DYM: variants seen among roughly 807,000 people sequenced by gnomAD.
DYM encodes the protein dymeclin, also known as dyggve-Melchior-Clausen syndrome protein.
DYM carries 78 observed loss-of-function variants against 93.1 expected under a neutral mutation model. The observed-to-expected ratio is 0.84, with a 90% confidence interval of 0.70 to 1.01. The LOEUF is 1.01. Among genes scored for constraint, DYM ranks in the 50% least tolerant of loss-of-function variants. DYM has a pLI of 0.00. For missense variants in DYM, 789 were observed against 845.0 expected (o/e 0.93, Z 0.82); for synonymous variants, 321 against 319.7 (o/e 1.00, Z -0.04).
intron 2 of DYM, among the ~76,000 whole-genome samples, chr18:49,428,591 C>G (rs992830109): frequency 1.3e-5 from 2 of 152,128 alleles, no homozygotes; most frequent in Non-Finnish European, 2.9e-5. Context: ...GAGGCTGAGG[C>G]CGAAGAATTG....
rs749354347 is a variant in DYM, at chr18:49,452,667, G to A, written c.-54+7731C>T. Among the ~76,000 whole-genome samples, 7 of 76,984 alleles carry A rather than the reference G, an allele frequency of 9.1e-5. 2 individuals are homozygous for A. Among genetic ancestry groups the A allele is most frequent in the Admixed American group, 5.8e-4 (5 of 8,684 alleles). 50.5% of individuals were successfully genotyped at this position (76,984 alleles called of 152,430 possible). ...ACTGCCGTGGGCTCCTGCGTGGCCTGAGCCTCCCTGACGAGCGCCGCTCCC... is the reference window on the plus strand; with the variant it reads ...ACTGCCGTGGGCTCCTGCGTGGCCTAAGCCTCCCTGACGAGCGCCGCTCCC... On this transcript the variant is annotated intron_variant, in intron 1 of 17. Transcript: ENST00000675505.
chr18:49,225,283 T>C (rs573504484), intron 13 of DYM, among the ~76,000 whole-genome samples: 7 of 152,072 alleles, frequency 4.6e-5, no homozygotes, highest in Non-Finnish European at 7.4e-5. Flanking sequence ...CAAAGGAAAA[T>C]CTGGAATGAA....
At chr18:49,365,094 G>A (rs1341221157) in intron 5 of DYM, among the ~76,000 whole-genome samples, 2 of 151,974 alleles carry the variant, frequency 1.3e-5, no homozygotes, top group African/African-American at 4.8e-5. Context: ...TTGCTGAACT[G>A]AGCCCAAGCA....
At chr18:49,181,644 G>T (rs1355371251) in intron 14 of DYM, among the ~76,000 whole-genome samples, 1 of 152,014 alleles carries the variant, frequency 6.6e-6, no homozygotes, top group Admixed American at 6.6e-5. Flanking sequence ...GGAGCATTTT[G>T]GATTTTTAGA....
intron 8 of DYM, among the ~76,000 whole-genome samples, chr18:49,301,034 A>G (rs561219878): frequency 2.2e-4 from 33 of 152,320 alleles, no homozygotes; most frequent in African/African-American, 7.5e-4. Context: ...AAGGAGAGGA[A>G]TAAGATGGGA....
chr18:49,267,083 A>G (rs1395604253), intron 11 of DYM, among the ~76,000 whole-genome samples: 2 of 152,184 alleles, frequency 1.3e-5, no homozygotes, highest in Non-Finnish European at 2.9e-5. Context: ...CTAGTTCTTT[A>G]AAGTTTTAAC....
chr18:49,279,467 A>G (rs2094918976), intron 10 of DYM, among the ~76,000 whole-genome samples: 2 of 152,248 alleles, frequency 1.3e-5, no homozygotes, highest in Admixed American at 1.3e-4. Context: ...GAAGAAAGGT[A>G]AAAGGACAGA....
At chr18:49,261,159 A>G (rs1398479451) in intron 11 of DYM, among the ~76,000 whole-genome samples, 9 of 152,174 alleles carry the variant, frequency 5.9e-5, no homozygotes, top group Admixed American at 5.2e-4. Flanking sequence ...ACAAAGGAAT[A>G]CCACACTCAA....
intron 10 of DYM, among the ~76,000 whole-genome samples, chr18:49,276,079 T>C (rs1397592551): frequency 6.6e-6 from 1 of 152,100 alleles, no homozygotes; most frequent in African/African-American, 2.4e-5. Context: ...CTTAATCAAA[T>C]GCCCAGGCTA....
intron 6 of DYM, among the ~76,000 whole-genome samples, chr18:49,345,559 G>T (rs1445412060): frequency 1.3e-5 from 2 of 152,066 alleles, no homozygotes; most frequent in African/African-American, 2.4e-5. Context: ...ACCACATGCA[G>T]TCCCTAAGGT....
chr18:49,172,278 T>C (rs1040484812), intron 14 of DYM, among the ~76,000 whole-genome samples: 23 of 152,334 alleles, frequency 1.5e-4, no homozygotes, highest in African/African-American at 4.3e-4. Flanking sequence ...TTATCAGTGT[T>C]GGTCTATTAA....
At chr18:49,115,311 GA>G (rs554081463) in intron 16 of DYM, among the ~76,000 whole-genome samples, 5,793 of 147,194 alleles carry the variant, frequency 0.039, 172 homozygotes, top group South Asian at 0.062. Flanking sequence ...TGACCACAGG[GA>G]AAAAAAAAAA....
At position 49,213,926 on chromosome 18, in the gene DYM, A is replaced by G. The variant is rs77837938; in HGVS notation, c.1461-4211T>C. On this transcript the variant is annotated intron_variant, in intron 13 of 17. Coordinates refer to ENST00000675505, the MANE Select transcript of DYM (RefSeq NM_001353214.3). ...ACTAACTAGCATGATTTTGGAAGGG[A>G]AGACAAAATATTAAGAATGCAATTA... Among the ~76,000 whole-genome samples, 711 of 152,326 alleles carry G rather than the reference A, an allele frequency of 4.7e-3. 11 individuals are homozygous for G. Among genetic ancestry groups the G allele is most frequent in the African/African-American group, 0.016 (681 of 41,580 alleles).
At chr18:49,054,941 C>G (rs1191212469) in intron 17 of DYM, among the ~76,000 whole-genome samples, 1 of 152,250 alleles carries the variant, frequency 6.6e-6, no homozygotes, top group African/African-American at 2.4e-5. Flanking sequence ...TTGGCTAGAA[C>G]TGGAAGCCCC....
intron 1 of DYM, chr18:49,447,330 T>A (rs2082176692): frequency 6.6e-6 from 1 of 152,252 alleles, no homozygotes; most frequent in Admixed American, 6.5e-5. Flanking sequence ...TTCTTCTGTC[T>A]ATTAAGCTTT....
intron 14 of DYM, among the ~76,000 whole-genome samples, chr18:49,168,802 A>T (rs1275852845): frequency 6.6e-6 from 1 of 152,182 alleles, no homozygotes; most frequent in Non-Finnish European, 1.5e-5. Flanking sequence ...TCCACAGAGG[A>T]AATCTATCTT....
At position 49,211,494 on chromosome 18, in the gene DYM, T is replaced by C. The variant is rs527539658; in HGVS notation, c.1461-1779A>G. 9.8e-5 allele frequency among the ~76,000 whole-genome samples: 15 copies of C among 152,310 alleles called. No individual in the cohort carries two copies. The South Asian group carries it at 2.9e-3, about 29-fold the overall frequency. ...CTACATCAAAACTATATCAAAGTAT[T>C]AATACCAAGAGGGTGATAGGTAATT... On this transcript the variant is annotated intron_variant, in intron 13 of 17. Coordinates refer to ENST00000675505, the MANE Select transcript of DYM (RefSeq NM_001353214.3).
intron 8 of DYM, among the ~76,000 whole-genome samples, chr18:49,307,459 T>C (rs1444529392): frequency 2.0e-5 from 3 of 152,098 alleles, no homozygotes; most frequent in Non-Finnish European, 4.4e-5. Flanking sequence ...GCCCATACTA[T>C]TTCTACTTAC....
At chr18:49,152,347 A>T (rs17196970) in intron 15 of DYM, among the ~76,000 whole-genome samples, 4 of 151,980 alleles carry the variant, frequency 2.6e-5, no homozygotes, top group African/African-American at 9.7e-5. Context: ...CTCCAACTCA[A>T]TATTGTCCTT....
Sources: allele counts gnomAD v4.1 joint callset (sites outside exome capture counted in the v4.1 genomes callset), GRCh38; gene constraint gnomAD v4.1.1; transcripts MANE v1.5; gene names NCBI Gene and HGNC (gene_info 2026-07-23, HGNC 2026-07-21).